The following TMC1 variants were observed in gnomAD, a reference collection of about 807,000 sequenced individuals.
The protein encoded by TMC1 is transmembrane channel like 1.
A neutral mutation model predicts 105.8 loss-of-function variants in TMC1; 84 were observed. The observed-to-expected ratio is 0.79, with a 90% CI of 0.67 to 0.95. TMC1 has a LOEUF of 0.95. TMC1 is among the 40% of genes least tolerant of loss of function. The pLI is 0.00. For missense variants in TMC1, 817 were observed against 914.1 expected (o/e 0.89, Z 1.37); for synonymous variants, 315 against 311.5 (o/e 1.01, Z -0.12).
chr9:72,835,933 T>TA lies in TMC1; in HGVS notation c.2261-18_2261-17insA. 6 of 1,577,424 alleles carry TA rather than the reference T, an allele frequency of 3.8e-6. No individual in the cohort carries two copies. The highest frequency in any genetic ancestry group is 5.1e-6 in the Non-Finnish European group (6 of 1,170,124). ...TCTCCTTGTTTTTTTTTTTTTTTTT[T>TA]TTCTGTTTTGTGAACAGCTGCAGCT... On this transcript the variant is annotated splice_polypyrimidine_tract_variant and intron_variant, in intron 23 of 23. Coordinates refer to ENST00000297784, the MANE Select transcript of TMC1 (RefSeq NM_138691.3).
chr9:72,592,044 A>T (rs897512987), intron 2 of TMC1, among the ~76,000 whole-genome samples: 4 of 152,160 alleles, frequency 2.6e-5, no homozygotes, highest in Admixed American at 2.6e-4. Flanking sequence ...AATACACAGA[A>T]CAGCCCTTTT....
In TMC1 at chr9:72,603,851, T is replaced by G. The variant is rs1013558433; in HGVS notation, c.-305-12517T>G. 7.0e-3 allele frequency among the ~76,000 whole-genome samples: 426 copies of G among 60,568 alleles called. 3 individuals carry two copies. The highest frequency in any genetic ancestry group is 0.011 in the Non-Finnish European group (350 of 31,678). 39.7% of individuals were successfully genotyped at this position (60,568 alleles called of 152,430 possible). On this transcript the variant is annotated intron_variant, in intron 2 of 23. Coordinates refer to ENST00000297784, the MANE Select transcript of TMC1 (RefSeq NM_138691.3). Reference sequence around the variant, plus strand: ...GTGTGAGCCACTGCGACCGGCTGTTTTTTTTTTTTTTTTTTTTTTTTTTTT... The same window carrying G: ...GTGTGAGCCACTGCGACCGGCTGTTGTTTTTTTTTTTTTTTTTTTTTTTTT...
At chr9:72,761,876 C>T (rs1827760958) in intron 12 of TMC1, among the ~76,000 whole-genome samples, 1 of 152,290 alleles carries the variant, frequency 6.6e-6, no homozygotes, top group South Asian at 2.1e-4. Context: ...GTGATTCACA[C>T]GTGGAATAAC....
intron 8 of TMC1, among the ~76,000 whole-genome samples, chr9:72,733,561 C>T (rs75732728): frequency 3.3e-5 from 5 of 152,192 alleles, no homozygotes; most frequent in African/African-American, 1.2e-4. Context: ...CTTATACAGC[C>T]GTCCACCCTT....
At chr9:72,724,860 T>C (rs1479549217) in intron 8 of TMC1, among the ~76,000 whole-genome samples, 1 of 152,186 alleles carries the variant, frequency 6.6e-6, no homozygotes, top group Non-Finnish European at 1.5e-5. Flanking sequence ...AGACTATCCA[T>C]GATGTTTTTT....
At chr9:72,729,398 G>C (rs1372145760) in intron 8 of TMC1, among the ~76,000 whole-genome samples, 1 of 151,916 alleles carries the variant, frequency 6.6e-6, no homozygotes, top group Non-Finnish European at 1.5e-5. Flanking sequence ...TTCTCTTTTT[G>C]CTTGTTCTTA....
chr9:72,773,485 A>G (rs968261652), intron 13 of TMC1, among the ~76,000 whole-genome samples: 1 of 152,170 alleles, frequency 6.6e-6, no homozygotes, highest in Non-Finnish European at 1.5e-5. Flanking sequence ...GAAAACTGCC[A>G]TATTTCATTT....
chr9:72,749,508 G>A (rs1827544016), intron 10 of TMC1, among the ~76,000 whole-genome samples: 1 of 152,122 alleles, frequency 6.6e-6, no homozygotes, highest in Admixed American at 6.6e-5. Context: ...TGAAGTCACT[G>A]GGAGCCAAGT....
At chr9:72,565,077 G>T (rs1824123680) in intron 1 of TMC1, among the ~76,000 whole-genome samples, 1 of 152,148 alleles carries the variant, frequency 6.6e-6, no homozygotes, top group African/African-American at 2.4e-5. Context: ...AAAAAGAAGT[G>T]ATTTACTCAG....
chr9:72,673,071 A>G (rs1033703104), intron 5 of TMC1, among the ~76,000 whole-genome samples: 1 of 152,200 alleles, frequency 6.6e-6, no homozygotes, highest in Admixed American at 6.5e-5. Flanking sequence ...ATATCTGGCA[A>G]ATCCCCAAAT....
At chr9:72,706,473 C>CTTGGGGAACAGGTGGTATTTGGTTAA (rs1826740260) in intron 8 of TMC1, among the ~76,000 whole-genome samples, 1 of 151,874 alleles carries the variant, frequency 6.6e-6, no homozygotes, top group East Asian at 1.9e-4. Context: ...TATTTGGTTA[C>CTTGGGGAACAGGTGGTATTTGGTTAA]ATGAGTAAGT....
intron 1 of TMC1, among the ~76,000 whole-genome samples, chr9:72,534,133 G>A (rs1354488602): frequency 6.6e-6 from 1 of 151,890 alleles, no homozygotes; most frequent in Non-Finnish European, 1.5e-5. Flanking sequence ...AATCTGTCTC[G>A]AAATAAATGA....
intron 5 of TMC1, among the ~76,000 whole-genome samples, chr9:72,684,525 T>C (rs2589618): frequency 0.41 from 62,801 of 152,012 alleles, 13,817 homozygotes; most frequent in African/African-American, 0.58. Context: ...CTTTTTCTGT[T>C]TTGTTTACCC....
At chr9:72,715,057 GA>G (rs1420090179) in intron 8 of TMC1, among the ~76,000 whole-genome samples, 1 of 152,172 alleles carries the variant, frequency 6.6e-6, no homozygotes, top group Non-Finnish European at 1.5e-5. Flanking sequence ...ATTCTGGGTT[GA>G]AAATTATTTT....
chr9:72,535,677 A>T (rs1823570826), intron 1 of TMC1, among the ~76,000 whole-genome samples: 1 of 152,224 alleles, frequency 6.6e-6, no homozygotes, highest in African/African-American at 2.4e-5. Flanking sequence ...TTAATAAGAA[A>T]AGAGGTTGAT....
At chr9:72,679,283 T>C (rs889382448) in intron 5 of TMC1, among the ~76,000 whole-genome samples, 10 of 152,040 alleles carry the variant, frequency 6.6e-5, no homozygotes, top group African/African-American at 1.9e-4. Context: ...GTTTTCTCTT[T>C]CTCCCTCAAG....
chr9:72,672,776 A>G (rs1464111431), intron 5 of TMC1, among the ~76,000 whole-genome samples: 2 of 151,430 alleles, frequency 1.3e-5, no homozygotes, highest in African/African-American at 4.9e-5. Flanking sequence ...CTGTAATTCC[A>G]GCACTTTGGC....
At position 72,607,492 on chromosome 9, in the gene TMC1, G is replaced by A. The variant is rs368603924; in HGVS notation, c.-305-8876G>A. 6.6e-5 allele frequency among the ~76,000 whole-genome samples: 10 copies of A among 151,818 alleles called. 1 individual carries two copies. The highest frequency in any genetic ancestry group is 2.0e-4 in the Admixed American group (3 of 15,214). ...AAATTAGCTGGGTGTGGTGGCGGGC[G>A]CCTGTAGTCCCAGCTACTCAGGAGG... On this transcript the variant is annotated intron_variant, in intron 2 of 23. Transcript: ENST00000297784.
rs370992574 is a variant in TMC1 at position 72,703,130 on chromosome 9, A to G, written c.362+2487A>G. ...TTCAATATTTTTAAAAATTTAAATT[A>G]CTTTTTTTTTCTCGAGACAGGGTCT... On this transcript the variant is annotated intron_variant, in intron 8 of 23. Coordinates refer to ENST00000297784, the MANE Select transcript of TMC1 (RefSeq NM_138691.3). Among the ~76,000 whole-genome samples the G allele has an allele frequency of 1.8e-4, 28 of 151,936 alleles. No homozygotes were observed. In the East Asian group the frequency reaches 3.5e-3, roughly 19 times the overall value.
Sources: gnomAD v4.1 joint callset for allele counts (sites outside exome capture counted in the v4.1 genomes callset) on GRCh38, gnomAD v4.1.1 for gene constraint, MANE v1.5 for transcripts, NCBI Gene and HGNC (gene_info 2026-07-23, HGNC 2026-07-21) for gene names.